The following ARHGAP26 variants were observed in gnomAD, a reference collection of about 807,000 sequenced individuals.
ARHGAP26 encodes the protein rho GTPase-activating protein 26.
ARHGAP26 carries 38 observed loss-of-function variants against 104.8 expected under a neutral mutation model. The observed-to-expected ratio is 0.36, with a 90% CI of 0.28 to 0.48. The LOEUF (loss-of-function observed/expected upper bound fraction) is 0.48. Among genes scored for constraint, ARHGAP26 ranks in the 20% least tolerant of loss-of-function variants. ARHGAP26 has a pLI of 0.99. For missense variants in ARHGAP26, 704 were observed against 947.9 expected (o/e 0.74, Z 3.38); for synonymous variants, 341 against 340.0 (o/e 1.00, Z -0.03).
intron 17 of ARHGAP26, among the ~76,000 whole-genome samples, chr5:143,097,945 G>A (rs369262311): frequency 2.2e-4 from 34 of 151,978 alleles, no homozygotes; most frequent in African/African-American, 8.0e-4. Context: ...TGTATTGGTT[G>A]TAAAAGTCTG....
intron 5 of ARHGAP26, among the ~76,000 whole-genome samples, chr5:142,892,248 T>G (rs1758766480): frequency 6.6e-6 from 1 of 151,968 alleles, no homozygotes; most frequent in Non-Finnish European, 1.5e-5. Context: ...CAGGAATTTC[T>G]TTTTCACTGT....
chr5:143,015,822 G>A (rs544970555), intron 12 of ARHGAP26, among the ~76,000 whole-genome samples: 4 of 152,300 alleles, frequency 2.6e-5, no homozygotes, highest in Admixed American at 2.6e-4. Flanking sequence ...CTCTACTTGG[G>A]ATAAATCCCA....
chr5:142,945,780 C>T (rs1767015913), intron 11 of ARHGAP26, among the ~76,000 whole-genome samples: 2 of 152,156 alleles, frequency 1.3e-5, no homozygotes, highest in African/African-American at 4.8e-5. Context: ...TAACACAGTA[C>T]AATGATCAGA....
At chr5:142,963,017 A>T (rs1770522869) in intron 11 of ARHGAP26, among the ~76,000 whole-genome samples, 1 of 151,760 alleles carries the variant, frequency 6.6e-6, no homozygotes, top group Non-Finnish European at 1.5e-5. Flanking sequence ...AGTTCTCATC[A>T]TTTAGCTCCC....
chr5:143,070,901 G>C (rs571875827), intron 17 of ARHGAP26, among the ~76,000 whole-genome samples: 1 of 151,950 alleles, frequency 6.6e-6, no homozygotes, highest in East Asian at 1.9e-4. Flanking sequence ...GACAGATCTT[G>C]ACACTATCGC....
intron 7 of ARHGAP26, among the ~76,000 whole-genome samples, chr5:142,903,339 A>G (rs906950202): frequency 6.6e-6 from 1 of 152,278 alleles, no homozygotes; most frequent in South Asian, 2.1e-4. Context: ...GGTGATTTTG[A>G]TAGTCACTAG....
chr5:143,095,722 G>A (rs1158319156), intron 17 of ARHGAP26, among the ~76,000 whole-genome samples: 41 of 152,060 alleles, frequency 2.7e-4, no homozygotes, highest in African/African-American at 9.7e-4. Flanking sequence ...ACAGGCACCC[G>A]CCACCATGCC....
chr5:143,220,421 T>C (rs1384704602), intron 22 of ARHGAP26, among the ~76,000 whole-genome samples: 1 of 152,198 alleles, frequency 6.6e-6, no homozygotes, highest in Admixed American at 6.5e-5. Flanking sequence ...TGCCGAGTGC[T>C]TTATCCACAC....
chr5:143,116,198 G>T (rs544632023), intron 17 of ARHGAP26, among the ~76,000 whole-genome samples: 1 of 152,322 alleles, frequency 6.6e-6, no homozygotes, highest in East Asian at 1.9e-4. Context: ...ATATAGGTCA[G>T]ATAAATGTAA....
intron 20 of ARHGAP26, among the ~76,000 whole-genome samples, chr5:143,183,830 T>A (rs1197525992): frequency 2.6e-5 from 4 of 152,204 alleles, no homozygotes; most frequent in Non-Finnish European, 5.9e-5. Flanking sequence ...GTCGTGCTCC[T>A]AAGCAGGCAG....
chr5:143,058,007 G>A, intron 17 of ARHGAP26: 2 of 627,116 alleles, frequency 3.2e-6, no homozygotes, highest in Non-Finnish European at 6.1e-6. Context: ...TTTACCTATG[G>A]TGATCAAGGG....
intron 3 of ARHGAP26, among the ~76,000 whole-genome samples, chr5:142,875,684 A>T (rs1241081455): frequency 6.6e-6 from 1 of 152,218 alleles, no homozygotes; most frequent in Non-Finnish European, 1.5e-5. Flanking sequence ...GGCATTGTCC[A>T]CATTTAAGAG....
intron 11 of ARHGAP26, among the ~76,000 whole-genome samples, chr5:142,932,934 G>A (rs887097286): frequency 2.6e-5 from 4 of 152,218 alleles, no homozygotes; most frequent in East Asian, 1.9e-4. Flanking sequence ...AACATGGGAC[G>A]TAGTCAACTA....
chr5:143,195,233 A>C (rs1806637075), intron 20 of ARHGAP26, among the ~76,000 whole-genome samples: 1 of 152,228 alleles, frequency 6.6e-6, no homozygotes, highest in Non-Finnish European at 1.5e-5. Flanking sequence ...TTGTCCTTGC[A>C]GAAGTGCTGC....
chr5:143,214,191 A>G (rs960591482), intron 22 of ARHGAP26, 103 bp downstream of exon 22: 4 of 751,926 alleles, frequency 5.3e-6, no homozygotes, highest in African/African-American at 1.7e-5. Context: ...GAAAATCTCA[A>G]TACAATGGGT....
chr5:142,961,534 G>A (rs1770246349), intron 11 of ARHGAP26, among the ~76,000 whole-genome samples: 1 of 152,116 alleles, frequency 6.6e-6, no homozygotes, highest in Non-Finnish European at 1.5e-5. Flanking sequence ...ATGTCCCATT[G>A]TCACTAAGGA....
At chr5:143,186,831 A>T (rs1369740174) in intron 20 of ARHGAP26, among the ~76,000 whole-genome samples, 1 of 152,214 alleles carries the variant, frequency 6.6e-6, no homozygotes, top group Non-Finnish European at 1.5e-5. Context: ...AAAGCTCTAG[A>T]ACCTGAGATG....
chr5:143,047,655 T>A (rs573091528), intron 14 of ARHGAP26, among the ~76,000 whole-genome samples: 134 of 152,346 alleles, frequency 8.8e-4, no homozygotes, highest in African/African-American at 2.9e-3. Flanking sequence ...TTAACATTTT[T>A]AAATGTATCT....
At chr5:142,984,607 T>C (rs1457194845) in intron 11 of ARHGAP26, among the ~76,000 whole-genome samples, 1 of 152,206 alleles carries the variant, frequency 6.6e-6, no homozygotes, top group South Asian at 2.1e-4. Flanking sequence ...GTAGATTTGC[T>C]TGATGAACAT....
Sources: gnomAD v4.1 joint callset for allele counts (sites outside exome capture counted in the v4.1 genomes callset) on GRCh38, gnomAD v4.1.1 for gene constraint, MANE v1.5 for transcripts, NCBI Gene and HGNC (gene_info 2026-07-23, HGNC 2026-07-21) for gene names.